The following UBAC2 variants were observed in gnomAD, a reference collection of about 807,000 sequenced individuals.
UBAC2 encodes ubiquitin-associated domain-containing protein 2.
Under a neutral mutation model 44.0 loss-of-function variants are expected in UBAC2, and 26 were observed. That is an observed-to-expected ratio of 0.59 (90% CI 0.43 to 0.82). The LOEUF is 0.82. Ranked by LOEUF, UBAC2 falls within the 40% of genes least tolerant of loss-of-function variation. The pLI is 0.00. For missense variants in UBAC2, 329 were observed against 419.4 expected (o/e 0.78, Z 1.88); for synonymous variants, 155 against 154.3 (o/e 1.00, Z -0.04).
intron 1 of UBAC2, among the ~76,000 whole-genome samples, chr13:99,230,876 C>G (rs2043165071): frequency 6.6e-6 from 1 of 152,060 alleles, no homozygotes; most frequent in South Asian, 2.1e-4. Flanking sequence ...TGGTGAAATC[C>G]CATTTCTAGT....
chr13:99,370,397 G>C (rs541669850), intron 8 of UBAC2, among the ~76,000 whole-genome samples: 178 of 152,308 alleles, frequency 1.2e-3, no homozygotes, highest in African/African-American at 3.9e-3. Context: ...TTCTAAGTTT[G>C]AAATTATTTC....
intron 1 of UBAC2, among the ~76,000 whole-genome samples, chr13:99,222,415 T>C (rs965477854): frequency 2.0e-5 from 3 of 152,132 alleles, no homozygotes; most frequent in Admixed American, 1.3e-4. Flanking sequence ...GTAGCACACA[T>C]AAAGTGTGAT....
At chr13:99,309,529 A>G (rs557313248) in intron 4 of UBAC2, among the ~76,000 whole-genome samples, 119 of 152,262 alleles carry the variant, frequency 7.8e-4, no homozygotes, top group South Asian at 1.9e-3. Flanking sequence ...CCTTGTTTTT[A>G]TTGCTGTTGA....
chr13:99,232,831 A>G (rs1374477249), intron 1 of UBAC2, among the ~76,000 whole-genome samples: 3 of 152,078 alleles, frequency 2.0e-5, no homozygotes, highest in African/African-American at 7.2e-5. Context: ...AATCCCAGCT[A>G]CTTGGGAGGC....
chr13:99,252,895 C>T (rs2043476246), intron 4 of UBAC2, among the ~76,000 whole-genome samples: 1 of 151,886 alleles, frequency 6.6e-6, no homozygotes, highest in Non-Finnish European at 1.5e-5. Flanking sequence ...TGCTCTGAGA[C>T]TAAACTCTTC....
chr13:99,288,683 T>G (rs1459982993), intron 4 of UBAC2, among the ~76,000 whole-genome samples: 1 of 152,246 alleles, frequency 6.6e-6, no homozygotes, highest in Non-Finnish European at 1.5e-5. Context: ...CCTGACTGAT[T>G]TAAATGTCAT....
intron 1 of UBAC2, among the ~76,000 whole-genome samples, chr13:99,217,970 A>G (rs1270987187): frequency 6.6e-6 from 1 of 151,932 alleles, no homozygotes; most frequent in Non-Finnish European, 1.5e-5. Flanking sequence ...GCATTTCCCC[A>G]CTTGAAAAGT....
intron 1 of UBAC2, among the ~76,000 whole-genome samples, chr13:99,201,860 A>G (rs1472925366): frequency 6.6e-6 from 1 of 152,102 alleles, no homozygotes; most frequent in Non-Finnish European, 1.5e-5. Context: ...TCACGAGGTC[A>G]GGAGATCGAG....
At chr13:99,204,324 T>C (rs540445443) in intron 1 of UBAC2, among the ~76,000 whole-genome samples, 115 of 152,124 alleles carry the variant, frequency 7.6e-4, no homozygotes, top group African/African-American at 2.5e-3. Context: ...GGGCTGACTT[T>C]TGAGAGTTTG....
At position 99,385,242 on chromosome 13, in the gene UBAC2, G is replaced by A. The variant is rs2045605148; in HGVS notation, c.942G>A (p.Met314Ile). ...EVSEEQVARL[M>I]EMGFSRGDAL... ...TCTGCCTGCAGGTCGCCCGGCTCAT[G>A]GAGATGGGATTTTCCAGAGGTGATG... Residue 314 changes from methionine (M) to isoleucine (I), a missense_variant, in exon 9 of 9, where the codon ATG becomes ATA. Transcript: ENST00000403766. 6.2e-7 allele frequency: 1 copy of A among 1,614,102 alleles called. No homozygotes were observed. The highest frequency in any genetic ancestry group is 8.5e-7 in the Non-Finnish European group (1 of 1,179,952).
intron 8 of UBAC2, among the ~76,000 whole-genome samples, chr13:99,373,721 G>T (rs554445043): frequency 1.3e-5 from 2 of 152,294 alleles, no homozygotes; most frequent in East Asian, 1.9e-4. Context: ...GAGTAGAGGG[G>T]ACTGGAGGGC....
At chr13:99,327,643 GATGTTATCAAAGGTCTTCC>G (rs1044982079) in intron 6 of UBAC2, among the ~76,000 whole-genome samples, 3 of 152,228 alleles carry the variant, frequency 2.0e-5, no homozygotes, top group African/African-American at 7.2e-5. Flanking sequence ...AACAGCATAG[GATGTTATCAAAGGTCTTCC>G]ATGTTAGCTT....
intron 1 of UBAC2, among the ~76,000 whole-genome samples, chr13:99,217,618 A>T (rs1486245630): frequency 6.6e-6 from 1 of 152,208 alleles, no homozygotes; most frequent in Non-Finnish European, 1.5e-5. Flanking sequence ...TCGCCCTGGC[A>T]TGCAGCCCTC....
chr13:99,273,431 G>A (rs911659106), intron 4 of UBAC2, among the ~76,000 whole-genome samples: 2 of 152,166 alleles, frequency 1.3e-5, no homozygotes, highest in Non-Finnish European at 2.9e-5. Flanking sequence ...CTTGGCTAGT[G>A]AGGGATTCAT....
intron 1 of UBAC2, among the ~76,000 whole-genome samples, chr13:99,207,998 T>C (rs1478469440): frequency 2.4e-4 from 35 of 147,824 alleles, no homozygotes; most frequent in South Asian, 1.1e-3. Context: ...CGTCTCTTTT[T>C]TTTTTTTTTT....
intron 4 of UBAC2, among the ~76,000 whole-genome samples, chr13:99,272,166 A>G (rs1314198281): frequency 6.6e-6 from 1 of 152,210 alleles, no homozygotes; most frequent in African/African-American, 2.4e-5. Context: ...TAGACCTAAA[A>G]ATCCCAGCCC....
At chr13:99,235,028 C>T (rs1368997794) in intron 1 of UBAC2, among the ~76,000 whole-genome samples, 1 of 152,030 alleles carries the variant, frequency 6.6e-6, no homozygotes, top group Non-Finnish European at 1.5e-5. Flanking sequence ...ATGTAAATGA[C>T]TAGATCAAGG....
chr13:99,349,144 G>A (rs2045038167), intron 7 of UBAC2, among the ~76,000 whole-genome samples: 2 of 152,164 alleles, frequency 1.3e-5, no homozygotes, highest in Non-Finnish European at 2.9e-5. Context: ...ATCAATTACT[G>A]GAGTCTCCTG....
intron 4 of UBAC2, among the ~76,000 whole-genome samples, chr13:99,283,248 A>C (rs1481735957): frequency 6.6e-6 from 1 of 152,180 alleles, no homozygotes; most frequent in Non-Finnish European, 1.5e-5. Flanking sequence ...CTGTTATTCC[A>C]GTGTGTAGAA....
Sources: gnomAD v4.1 joint callset for allele counts (sites outside exome capture counted in the v4.1 genomes callset) on GRCh38, gnomAD v4.1.1 for gene constraint, MANE v1.5 for transcripts, NCBI Gene and HGNC (gene_info 2026-07-23, HGNC 2026-07-21) for gene names.